Variants in RBFOX1 observed in about 807,000 individuals in gnomAD.
The protein encoded by RBFOX1 is RNA binding protein fox-1 homolog 1.
Under a neutral mutation model 57.7 loss-of-function variants are expected in RBFOX1, and 8 were observed. The observed-to-expected ratio is 0.14, with a 90% CI of 0.08 to 0.25. The LOEUF is 0.25. Ranked by LOEUF, RBFOX1 falls within the 10% of genes least tolerant of loss-of-function variation. RBFOX1 has a pLI of 1.00. For missense variants in RBFOX1, 611 were observed against 548.5 expected (o/e 1.11, Z -1.14); for synonymous variants, 326 against 222.4 (o/e 1.47, Z -4.15).
At chr16:6,399,462 A>G (rs540903195) in intron 2 of RBFOX1, among the ~76,000 whole-genome samples, 2 of 152,300 alleles carry the variant, frequency 1.3e-5, no homozygotes, top group African/African-American at 2.4e-5. Flanking sequence ...AAACACAGCA[A>G]GAGTGAGCTT....
intron 2 of RBFOX1, among the ~76,000 whole-genome samples, chr16:5,515,416 G>A (rs1430048003): frequency 2.0e-5 from 3 of 152,226 alleles, no homozygotes; most frequent in African/African-American, 4.8e-5. Flanking sequence ...CTCTGAGAGG[G>A]GGCAGATTGT....
intron 1 of RBFOX1, among the ~76,000 whole-genome samples, chr16:6,294,109 G>C (rs2077791193): frequency 6.6e-6 from 1 of 152,146 alleles, no homozygotes; most frequent in Admixed American, 6.5e-5. Context: ...TTGAGCCTAG[G>C]AGTTCCAGGC....
intron 1 of RBFOX1, among the ~76,000 whole-genome samples, chr16:6,315,757 T>C (rs1404757673): frequency 6.6e-6 from 1 of 152,186 alleles, no homozygotes; most frequent in Non-Finnish European, 1.5e-5. Flanking sequence ...AATAGCTCTA[T>C]CTATTCTTGG....
At chr16:6,581,058 A>G (rs1427196040) in intron 2 of RBFOX1, among the ~76,000 whole-genome samples, 1 of 151,892 alleles carries the variant, frequency 6.6e-6, no homozygotes, top group South Asian at 2.1e-4. Flanking sequence ...CTCCCACTTC[A>G]TTTTCTTTTC....
At chr16:5,390,771 A>T (rs145785600) in intron 1 of RBFOX1, among the ~76,000 whole-genome samples, 209 of 152,276 alleles carry the variant, frequency 1.4e-3, no homozygotes, top group African/African-American at 4.9e-3. Context: ...ATTGTTCCAG[A>T]ATGGGCCTGT....
chr16:5,270,332 G>A (rs2062973716), intron 1 of RBFOX1: 1 of 798,226 alleles, frequency 1.3e-6, no homozygotes, highest in South Asian at 1.5e-5. Context: ...CAGGACCCGA[G>A]GAACCCAAAT....
intron 3 of RBFOX1, among the ~76,000 whole-genome samples, chr16:6,833,896 C>T (rs1273220695): frequency 6.6e-6 from 1 of 151,894 alleles, no homozygotes; most frequent in Non-Finnish European, 1.5e-5. Context: ...GGAGAGGAAC[C>T]TGGCAAGGTT....
intron 4 of RBFOX1, among the ~76,000 whole-genome samples, chr16:7,094,299 G>C (rs1448750024): frequency 6.6e-6 from 1 of 152,078 alleles, no homozygotes; most frequent in East Asian, 1.9e-4. Flanking sequence ...GGAAGCAATA[G>C]AGCATTGTTT....
At chr16:6,943,832 C>T (rs548533761) in intron 3 of RBFOX1, among the ~76,000 whole-genome samples, 13 of 152,112 alleles carry the variant, frequency 8.5e-5, no homozygotes, top group South Asian at 2.1e-4. Flanking sequence ...ATAAGGCAAA[C>T]GCTGAGCTGT....
intron 5 of RBFOX1, among the ~76,000 whole-genome samples, chr16:7,566,803 C>T (rs2091791237): frequency 6.6e-6 from 1 of 152,044 alleles, no homozygotes. Context: ...GATCCTTTTC[C>T]ACATCCAAGG....
At position 7,245,976 on chromosome 16, in the gene RBFOX1, A is replaced by G. The variant is rs577055047; in HGVS notation, c.27+193878A>G. 4.6e-5 allele frequency among the ~76,000 whole-genome samples: 7 copies of G among 152,330 alleles called. No individual in the cohort carries two copies. The South Asian group carries it at 1.4e-3, about 32-fold the overall frequency. On this transcript the variant is annotated intron_variant, in intron 4 of 15. Coordinates refer to ENST00000550418, the MANE Select transcript of RBFOX1 (RefSeq NM_018723.4). ...AGCCCATCCCTGAAAAAAAGTATAGATTGCAGTGTAAATAGAAATTTGTTT... is the reference window on the plus strand; with the variant it reads ...AGCCCATCCCTGAAAAAAAGTATAGGTTGCAGTGTAAATAGAAATTTGTTT...
chr16:6,830,640 T>G (rs2141024323), intron 3 of RBFOX1, among the ~76,000 whole-genome samples: 1 of 152,280 alleles, frequency 6.6e-6, no homozygotes, highest in Admixed American at 6.5e-5. Context: ...CCACAGTATA[T>G]AGAACAGCTC....
At chr16:6,926,801 A>G (rs1366016044) in intron 3 of RBFOX1, among the ~76,000 whole-genome samples, 1 of 152,176 alleles carries the variant, frequency 6.6e-6, no homozygotes, top group Non-Finnish European at 1.5e-5. Flanking sequence ...TCTTAAAATT[A>G]TCGTTTTGAT....
chr16:6,943,633 G>A (rs563343751), intron 3 of RBFOX1, among the ~76,000 whole-genome samples: 7 of 151,832 alleles, frequency 4.6e-5, no homozygotes, highest in Non-Finnish European at 7.4e-5. Context: ...GCGTGAACCC[G>A]GGAGGCGGAG....
At chr16:5,930,133 G>T (rs929369620) in intron 4 of RBFOX1, among the ~76,000 whole-genome samples, 1 of 151,356 alleles carries the variant, frequency 6.6e-6, no homozygotes, top group African/African-American at 2.4e-5. Context: ...GTGCCTCCAG[G>T]GGCATCTGTG....
intron 1 of RBFOX1, among the ~76,000 whole-genome samples, chr16:6,159,546 C>G (rs936162070): frequency 1.3e-5 from 2 of 152,180 alleles, no homozygotes; most frequent in African/African-American, 2.4e-5. Flanking sequence ...AGCACAGGGT[C>G]TGCCCTAAAT....
At chr16:6,386,029 G>A (rs577215611) in intron 2 of RBFOX1, among the ~76,000 whole-genome samples, 1 of 150,570 alleles carries the variant, frequency 6.6e-6, no homozygotes, top group East Asian at 2.0e-4. Flanking sequence ...TCCGCCTCCC[G>A]GGTTCACACC....
chr16:6,144,574 C>T (rs919225408), intron 1 of RBFOX1, among the ~76,000 whole-genome samples: 2 of 152,154 alleles, frequency 1.3e-5, no homozygotes, highest in Admixed American at 1.3e-4. Context: ...GATAGCATCC[C>T]ATGTAATTTC....
At chr16:6,897,836 C>T (rs758913381) in intron 3 of RBFOX1, among the ~76,000 whole-genome samples, 7 of 152,100 alleles carry the variant, frequency 4.6e-5, no homozygotes, top group Admixed American at 4.6e-4. Flanking sequence ...GATTACAGAG[C>T]CCTGCAGTTT....
Sources: allele counts gnomAD v4.1 joint callset (sites outside exome capture counted in the v4.1 genomes callset), GRCh38; gene constraint gnomAD v4.1.1; transcripts MANE v1.5; gene names NCBI Gene and HGNC (gene_info 2026-07-23, HGNC 2026-07-21).